Variants in TTC6 observed in about 807,000 individuals in gnomAD.
TTC6 encodes the protein tetratricopeptide repeat domain 6, also known as tetratricopeptide repeat protein 6.
A neutral mutation model predicts 210.4 loss-of-function variants in TTC6; 172 were observed. That is an observed-to-expected ratio of 0.82 (90% CI 0.72 to 0.93). TTC6 has a LOEUF of 0.93. Among genes scored for constraint, TTC6 ranks in the 40% least tolerant of loss-of-function variants. The probability of loss-of-function intolerance (pLI) is 0.00; values close to 1 mark genes in which losing one functional copy is unlikely to be tolerated. For missense variants in TTC6, 2,414 were observed against 2,318.1 expected, an observed-to-expected ratio of 1.04 and a Z score of -0.85; for synonymous variants, 804 against 819.6, an observed-to-expected ratio of 0.98 and a Z score of 0.32.
intron 1 of TTC6, among the ~76,000 whole-genome samples, chr14:37,602,851 T>G (rs1369794170): frequency 6.6e-6 from 1 of 151,992 alleles, no homozygotes; most frequent in African/African-American, 2.4e-5. Context: ...TTCAAATGCT[T>G]GAGGATGCAG....
exon 17 of TTC6, chr14:37,792,268 A>T: frequency 6.6e-7 from 1 of 1,504,020 alleles, no homozygotes; most frequent in Admixed American, 2.4e-5. Context: ...TTTTAGAACT[A>T]TTACTTTGGC....
intron 1 of TTC6, among the ~76,000 whole-genome samples, chr14:37,640,687 C>T (rs370325256): frequency 1.3e-5 from 2 of 152,170 alleles, no homozygotes; most frequent in African/African-American, 4.8e-5. Flanking sequence ...GGATTATAGG[C>T]ATGTGCCACC....
chr14:37,807,456 A>G (rs571774757), exon 23 of TTC6: 3 of 1,498,514 alleles, frequency 2.0e-6, no homozygotes, highest in Non-Finnish European at 1.8e-6. Flanking sequence ...AAATACTACA[A>G]CAAGGTAGGG....
intron 1 of TTC6, 23 bp from the exon 2 acceptor site, chr14:37,606,640 C>T: frequency 1.3e-6 from 1 of 775,204 alleles, no homozygotes; most frequent in Non-Finnish European, 1.6e-6. Context: ...CCTTTAATCC[C>T]ACCTTCAAAT....
chr14:37,692,953 G>A (rs1394303542), intron 3 of TTC6, among the ~76,000 whole-genome samples: 1 of 152,000 alleles, frequency 6.6e-6, no homozygotes, highest in Non-Finnish European at 1.5e-5. Context: ...ACTGAATGGG[G>A]AAAACTGAAA....
chr14:37,735,420 G>A (rs967611273), intron 7 of TTC6, among the ~76,000 whole-genome samples: 1 of 152,008 alleles, frequency 6.6e-6, no homozygotes, highest in Non-Finnish European at 1.5e-5. Context: ...AATCATAGTG[G>A]CAGTTTACTC....
At chr14:37,806,429 G>A in exon 22 of TTC6, 2 of 1,535,608 alleles carry the variant, frequency 1.3e-6, no homozygotes, top group Non-Finnish European at 1.7e-6. Context: ...ATCAGCGAGG[G>A]CTTTGTAAAG....
chr14:37,731,191 T>C (rs545096491), intron 7 of TTC6, among the ~76,000 whole-genome samples: 8 of 152,312 alleles, frequency 5.3e-5, no homozygotes, highest in Admixed American at 2.6e-4. Context: ...TTTATGGGCT[T>C]TTCTGTTTAA....
chr14:37,596,841 C>T (rs1377106651), intron 1 of TTC6, among the ~76,000 whole-genome samples: 3 of 152,132 alleles, frequency 2.0e-5, no homozygotes, highest in Non-Finnish European at 4.4e-5. Flanking sequence ...CAAACAGATA[C>T]CTTTTTCCCT....
chr14:37,710,370 T>C (rs2095842713), intron 5 of TTC6, among the ~76,000 whole-genome samples: 1 of 152,124 alleles, frequency 6.6e-6, no homozygotes, highest in African/African-American at 2.4e-5. Flanking sequence ...TTCAGAGTAC[T>C]CACAGCTTAG....
chr14:37,791,695 T>C (rs535091908), intron 16 of TTC6, among the ~76,000 whole-genome samples: 15 of 152,266 alleles, frequency 9.9e-5, no homozygotes, highest in East Asian at 1.9e-4. Flanking sequence ...TTCTGTGAGG[T>C]TGGATTATTG....
chr14:37,766,744 G>A (rs1238190719), intron 14 of TTC6, among the ~76,000 whole-genome samples: 5 of 152,098 alleles, frequency 3.3e-5, no homozygotes, highest in Admixed American at 6.6e-5. Flanking sequence ...TGATTGCTGG[G>A]TTGAATGGTA....
intron 1 of TTC6, among the ~76,000 whole-genome samples, chr14:37,599,178 C>A (rs1472693035): frequency 6.6e-6 from 1 of 152,188 alleles, no homozygotes; most frequent in South Asian, 2.1e-4. Context: ...GACTGCGGTC[C>A]CCCGCGAGAG....
At chr14:37,698,420 C>A (rs1311325001) in intron 4 of TTC6, among the ~76,000 whole-genome samples, 1 of 152,160 alleles carries the variant, frequency 6.6e-6, no homozygotes, top group African/African-American at 2.4e-5. Context: ...TAATCTCAAA[C>A]ACATTCCACT....
At chr14:37,751,248 C>G (rs1179088464) in intron 13 of TTC6, 23 bp downstream of exon 15, 2 of 1,499,116 alleles carry the variant, frequency 1.3e-6, no homozygotes, top group African/African-American at 1.4e-5. Context: ...ACATATAATT[C>G]TACCATTTAT....
intron 24 of TTC6, among the ~76,000 whole-genome samples, 177 bp downstream of exon 26, chr14:37,809,023 G>T (rs928972240): frequency 6.6e-6 from 1 of 151,988 alleles, no homozygotes; most frequent in African/African-American, 2.4e-5. Context: ...ATTTTCAAAA[G>T]GAATTCCTAG....
chr14:37,639,399 G>C (rs1408528221), intron 1 of TTC6, among the ~76,000 whole-genome samples: 3 of 152,082 alleles, frequency 2.0e-5, no homozygotes, highest in Admixed American at 2.0e-4. Context: ...TGCAGTTTTT[G>C]TCGTCCTCAT....
chr14:37,670,663 G>T (rs552814660), intron 1 of TTC6, among the ~76,000 whole-genome samples: 1 of 151,672 alleles, frequency 6.6e-6, no homozygotes, highest in African/African-American at 2.4e-5. Context: ...TAGAGATGGG[G>T]TTTCACCATG....
rs142152533 is a variant in TTC6, at chr14:37,811,386, C to T, written c.4570-928C>T. ...CATACCTATAGGATCTTTAACTGCA[C>T]ATTTTTTAAAGACACTTGAGCACGC... On this transcript the variant is annotated intron_variant, in intron 24 of 30. Transcript: ENST00000553443. Among the ~76,000 whole-genome samples, 31 of 152,194 alleles carry T rather than the reference C, an allele frequency of 2.0e-4. No individual in the cohort carries two copies. The East Asian group carries it at 4.4e-3, about 22-fold the overall frequency.
Sources: allele counts gnomAD v4.1 joint callset (sites outside exome capture counted in the v4.1 genomes callset), GRCh38; gene constraint gnomAD v4.1.1; transcripts MANE v1.5; gene names NCBI Gene and HGNC (gene_info 2026-07-23, HGNC 2026-07-21).